The following TMEM131 variants were observed in gnomAD, a reference collection of about 807,000 sequenced individuals.
TMEM131 encodes 2610524E03Rik.
TMEM131 carries 66 observed loss-of-function variants against 211.6 expected under a neutral mutation model. The ratio of observed to expected loss-of-function variants is 0.31; its 90% CI spans 0.26 to 0.38. The LOEUF is 0.38. Ranked by LOEUF, TMEM131 falls within the 10% of genes least tolerant of loss-of-function variation. TMEM131 has a pLI of 1.00. For synonymous variants in TMEM131, 844 were observed against 841.3 expected, an observed-to-expected ratio of 1.00 and a Z score of -0.06; for missense variants, 2,036 against 2,299.3, an observed-to-expected ratio of 0.89 and a Z score of 2.34.
chr2:97,896,955 T>C (rs9308862), intron 3 of TMEM131, among the ~76,000 whole-genome samples: 113,911 of 151,928 alleles, frequency 0.75, 44,362 homozygotes, highest in African/African-American at 0.87. Context: ...CACAGTCTTC[T>C]AATCCATGAA....
chr2:97,840,558 C>T (rs529908655), intron 7 of TMEM131, among the ~76,000 whole-genome samples: 74 of 152,256 alleles, frequency 4.9e-4, no homozygotes, highest in Admixed American at 2.0e-3. Flanking sequence ...CCACTGCACT[C>T]CAGTTTGAGT....
intron 5 of TMEM131, among the ~76,000 whole-genome samples, chr2:97,855,846 C>T (rs1168342111): frequency 1.3e-5 from 2 of 152,126 alleles, no homozygotes; most frequent in South Asian, 2.1e-4. Flanking sequence ...ATTGCTACAT[C>T]GCATTTTGTT....
At chr2:97,885,269 C>G (rs1026714713) in intron 4 of TMEM131, among the ~76,000 whole-genome samples, 21 of 128,900 alleles carry the variant, frequency 1.6e-4, no homozygotes, top group African/African-American at 6.4e-4. Flanking sequence ...GCGATCTCCG[C>G]TCACTGCAAG....
intron 31 of TMEM131, among the ~76,000 whole-genome samples, chr2:97,785,421 T>G (rs1680200736): frequency 6.6e-6 from 1 of 152,132 alleles, no homozygotes; most frequent in Non-Finnish European, 1.5e-5. Flanking sequence ...TGAAAATATA[T>G]TCAATATCAT....
rs1432295258 is a variant in TMEM131 at position 97,758,850 on chromosome 2, G to A, written c.5367+43C>T. ...TCACAGCAATGGCAGATGGCGAGTGGGTGGGCCAGGTCCAGGCCCCAGCCC... is the reference window on the plus strand; with the variant it reads ...TCACAGCAATGGCAGATGGCGAGTGAGTGGGCCAGGTCCAGGCCCCAGCCC... On this transcript the variant is annotated intron_variant, in intron 40 of 40. Transcript: ENST00000186436. 4 of 1,570,418 alleles carry A rather than the reference G, an allele frequency of 2.5e-6. No individual in the cohort carries two copies. In the Admixed American group the frequency reaches 7.6e-5, roughly 30 times the overall value.
At chr2:97,905,811 G>A (rs1676043143) in intron 3 of TMEM131, among the ~76,000 whole-genome samples, 1 of 152,056 alleles carries the variant, frequency 6.6e-6, no homozygotes, top group African/African-American at 2.4e-5. Flanking sequence ...CTCTGTAGAG[G>A]AACAGGCATC....
chr2:97,760,864 G>A lies in TMEM131; in HGVS notation c.4940C>T (p.Ala1647Val). 1.2e-6 allele frequency: 2 copies of A among 1,614,058 alleles called. No homozygotes were observed. Among genetic ancestry groups the A allele is most frequent in the Non-Finnish European group, 8.5e-7 (1 of 1,179,908 alleles). The change falls in exon 37 of 41, where the codon GCA (alanine) becomes GTA (valine). Residue 1647 changes from alanine (A) to valine (V), a missense_variant. Physicochemically the swap from Ala to Val is moderately conservative, Grantham distance 64. Transcript: ENST00000186436. ...PNGSKHKLTKAASLPGKNGNP... is the reference protein window; with the variant it reads ...PNGSKHKLTKVASLPGKNGNP... ...GCCGTTCTTGCCCGGGAGCGAGGCT[G>A]CCTTTGTCAACTTGTGTTTGCTTCC...
At chr2:97,895,931 T>C (rs1354889779) in intron 3 of TMEM131, among the ~76,000 whole-genome samples, 1 of 152,200 alleles carries the variant, frequency 6.6e-6, no homozygotes, top group Non-Finnish European at 1.5e-5. Flanking sequence ...TTGCTTTTGC[T>C]TCTCTAGTTC....
intron 32 of TMEM131, among the ~76,000 whole-genome samples, chr2:97,773,589 C>T (rs997853922): frequency 1.1e-4 from 17 of 152,094 alleles, no homozygotes; most frequent in Admixed American, 1.1e-3. Flanking sequence ...ATTGCAGCAT[C>T]TGAGTGTGAG....
intron 8 of TMEM131, 124 bp downstream of exon 8, chr2:97,836,953 A>T: frequency 1.3e-6 from 1 of 748,538 alleles, no homozygotes; most frequent in Non-Finnish European, 2.2e-6. Context: ...AATTAACATT[A>T]AGACAACGAT....
At chr2:97,954,608 C>A (rs1678474676) in intron 1 of TMEM131, among the ~76,000 whole-genome samples, 1 of 152,034 alleles carries the variant, frequency 6.6e-6, no homozygotes, top group African/African-American at 2.4e-5. Flanking sequence ...AGTTCGAGAC[C>A]AGCCTTACCA....
intron 11 of TMEM131, among the ~76,000 whole-genome samples, chr2:97,820,177 C>T (rs911799025): frequency 6.6e-6 from 1 of 152,154 alleles, no homozygotes; most frequent in African/African-American, 2.4e-5. Context: ...CTCCGTTTTT[C>T]TTCTTCAAGA....
chr2:97,766,035 C>G (rs1216098943), intron 35 of TMEM131, 79 bp downstream of exon 35: 1 of 1,556,476 alleles, frequency 6.4e-7, no homozygotes, highest in African/African-American at 1.4e-5. Context: ...AAGCAACATG[C>G]CCCTGAAGAG....
chr2:97,983,575 A>G (rs1453181106), intron 1 of TMEM131, among the ~76,000 whole-genome samples: 1 of 152,168 alleles, frequency 6.6e-6, no homozygotes, highest in Non-Finnish European at 1.5e-5. Flanking sequence ...GCCTGTCAGT[A>G]ACAACATGAA....
intron 4 of TMEM131, among the ~76,000 whole-genome samples, chr2:97,881,521 G>A (rs1458699288): frequency 1.3e-5 from 2 of 151,600 alleles, no homozygotes; most frequent in Non-Finnish European, 2.9e-5. Context: ...ACTCTTTTTA[G>A]AGTAAAAAAA....
At chr2:97,881,524 T>C (rs1056629257) in intron 4 of TMEM131, among the ~76,000 whole-genome samples, 1 of 150,596 alleles carries the variant, frequency 6.6e-6, no homozygotes, top group Non-Finnish European at 1.5e-5. Context: ...CTTTTTAGAG[T>C]AAAAAAAACA....
At chr2:97,807,531 A>G (rs939144007) in intron 19 of TMEM131, among the ~76,000 whole-genome samples, 1 of 152,194 alleles carries the variant, frequency 6.6e-6, no homozygotes, top group African/African-American at 2.4e-5. Context: ...GCCCTCACCA[A>G]TGCAGACACT....
rs1028101988 is a variant in TMEM131, at chr2:97,794,325, C to T, written c.3386+605G>A. Among the ~76,000 whole-genome samples, 10 of 152,076 alleles carry T rather than the reference C, an allele frequency of 6.6e-5. 1 individual carries two copies. Among genetic ancestry groups the T allele is most frequent in the African/African-American group, 2.2e-4 (9 of 41,396 alleles). ...TGCTGGGAATACAGGTGTGAGCCACCGTGCCCGGCCTGCTCATGAATTTTT... is the reference window on the plus strand; with the variant it reads ...TGCTGGGAATACAGGTGTGAGCCACTGTGCCCGGCCTGCTCATGAATTTTT... On this transcript the variant is annotated intron_variant, in intron 29 of 40. Coordinates refer to ENST00000186436, the MANE Select transcript of TMEM131 (RefSeq NM_015348.2).
At chr2:97,924,323 C>T (rs1348956976) in intron 2 of TMEM131, among the ~76,000 whole-genome samples, 5 of 152,104 alleles carry the variant, frequency 3.3e-5, no homozygotes, top group African/African-American at 9.7e-5. Flanking sequence ...GTCAAGGTTG[C>T]AGTGAGCTGT....
Sources: gnomAD v4.1 joint callset for allele counts (sites outside exome capture counted in the v4.1 genomes callset) on GRCh38, gnomAD v4.1.1 for gene constraint, MANE v1.5 for transcripts, NCBI Gene and HGNC (gene_info 2026-07-23, HGNC 2026-07-21) for gene names.